The following OTUD7A variants were observed in gnomAD, a reference collection of about 807,000 sequenced individuals.
OTUD7A encodes OTU domain-containing protein 7A.
Under a neutral mutation model 65.7 loss-of-function variants are expected in OTUD7A, and 12 were observed. That is an observed-to-expected ratio of 0.18 (90% CI 0.12 to 0.30). The LOEUF (loss-of-function observed/expected upper bound fraction) is 0.30, where lower values mean the gene tolerates loss of function less well. Ranked by LOEUF, OTUD7A falls within the 10% of genes least tolerant of loss-of-function variation. The pLI is 1.00. For missense variants in OTUD7A, 1,148 were observed against 1,304.8 expected (o/e 0.88, Z 1.85); for synonymous variants, 641 against 586.3 (o/e 1.09, Z -1.35).
At chr15:31,778,303 G>A (rs1895442793) in intron 1 of OTUD7A, among the ~76,000 whole-genome samples, 1 of 152,114 alleles carries the variant, frequency 6.6e-6, no homozygotes. Flanking sequence ...GTAAAACCAT[G>A]GAGAGAGACA....
At chr15:31,645,171 G>A (rs541062378) in intron 3 of OTUD7A, among the ~76,000 whole-genome samples, 1 of 152,286 alleles carries the variant, frequency 6.6e-6, no homozygotes, top group African/African-American at 2.4e-5. Flanking sequence ...CCTGTACCAC[G>A]GATTAGAAAC....
intron 1 of OTUD7A, among the ~76,000 whole-genome samples, chr15:31,777,812 G>A (rs924554696): frequency 6.6e-6 from 1 of 152,200 alleles, no homozygotes; most frequent in African/African-American, 2.4e-5. Flanking sequence ...AAAGCTGTGT[G>A]CAAAGAGGCT....
intron 9 of OTUD7A, among the ~76,000 whole-genome samples, chr15:31,503,021 G>C (rs568300038): frequency 9.8e-5 from 15 of 152,370 alleles, no homozygotes; most frequent in African/African-American, 3.6e-4. Flanking sequence ...CTGGAGGGAG[G>C]ACAGGCTTTG....
At chr15:31,709,538 G>T (rs143220259) in intron 1 of OTUD7A, among the ~76,000 whole-genome samples, 1 of 152,284 alleles carries the variant, frequency 6.6e-6, no homozygotes, top group Admixed American at 6.5e-5. Context: ...GATGTGGCCA[G>T]GGAACCAGGA....
At chr15:31,756,730 G>C (rs567402099) in intron 1 of OTUD7A, among the ~76,000 whole-genome samples, 1 of 151,686 alleles carries the variant, frequency 6.6e-6, no homozygotes, top group Non-Finnish European at 1.5e-5. Flanking sequence ...TAAGAATATG[G>C]GGATAGCCTA....
intron 3 of OTUD7A, among the ~76,000 whole-genome samples, chr15:31,574,931 A>C (rs1301190276): frequency 6.6e-6 from 1 of 152,108 alleles, no homozygotes; most frequent in African/African-American, 2.4e-5. Flanking sequence ...GGCCTGCTGG[A>C]ATTACTCAGA....
At chr15:31,505,748 ATTTTTTTT>A (rs58989170) in intron 8 of OTUD7A, among the ~76,000 whole-genome samples, 1 of 145,380 alleles carries the variant, frequency 6.9e-6, no homozygotes. Context: ...ATTGAAGTTA[ATTTTTTTT>A]TTTTTTTTTT....
chr15:31,797,104 T>C (rs1426741847), intron 1 of OTUD7A, among the ~76,000 whole-genome samples: 2 of 152,140 alleles, frequency 1.3e-5, no homozygotes, highest in South Asian at 2.1e-4. Flanking sequence ...GTTAAGATGT[T>C]CCAGGAGCTC....
At chr15:31,670,134 C>CT (rs1429850239) in intron 1 of OTUD7A, among the ~76,000 whole-genome samples, 3 of 149,162 alleles carry the variant, frequency 2.0e-5, no homozygotes, top group Non-Finnish European at 4.4e-5. Flanking sequence ...CTGTGTCCAT[C>CT]TGAGTCAGAG....
chr15:31,817,079 GCACGCCAT>G (rs1011666285), intron 1 of OTUD7A, among the ~76,000 whole-genome samples: 4 of 152,110 alleles, frequency 2.6e-5, no homozygotes, highest in Non-Finnish European at 4.4e-5. Flanking sequence ...CAGCTCTTGG[GCACGCCAT>G]CATGCTGAGG....
In OTUD7A at chr15:31,669,232, A is replaced by G. The variant is rs540316868; in HGVS notation, c.-99-12155T>C. Among the ~76,000 whole-genome samples the G allele has an allele frequency of 2.1e-3, 318 of 152,172 alleles. 6 individuals are homozygous for G. The highest frequency in any genetic ancestry group is 5.0e-3 in the African/African-American group (207 of 41,522). ...GAACTCCCAAGATTACATGCCATTT[A>G]TCTTCAGCTACCAGGGTGGATAGGG... On this transcript the variant is annotated intron_variant, in intron 1 of 12. Transcript: ENST00000307050.
intron 3 of OTUD7A, among the ~76,000 whole-genome samples, chr15:31,645,938 G>T (rs1014139475): frequency 6.6e-6 from 1 of 152,188 alleles, no homozygotes; most frequent in South Asian, 2.1e-4. Flanking sequence ...GGCCCTCAAC[G>T]CCTGCTTGGA....
chr15:31,842,532 T>C (rs1472606061), intron 1 of OTUD7A, among the ~76,000 whole-genome samples: 1 of 152,186 alleles, frequency 6.6e-6, no homozygotes, highest in Admixed American at 6.5e-5. Flanking sequence ...CTGGTTTCAA[T>C]GGAGACTGTA....
chr15:31,623,075 A>T (rs1890845287), intron 3 of OTUD7A, among the ~76,000 whole-genome samples: 1 of 152,244 alleles, frequency 6.6e-6, no homozygotes, highest in African/African-American at 2.4e-5. Flanking sequence ...GCTGCAGAAC[A>T]GCGAATATTG....
chr15:31,577,537 T>C (rs971205044), intron 3 of OTUD7A, among the ~76,000 whole-genome samples: 1 of 152,180 alleles, frequency 6.6e-6, no homozygotes, highest in Non-Finnish European at 1.5e-5. Context: ...CTTACATGTA[T>C]TGATCCATGT....
At chr15:31,761,147 C>CA (rs769916060) in intron 1 of OTUD7A, among the ~76,000 whole-genome samples, 4 of 151,932 alleles carry the variant, frequency 2.6e-5, no homozygotes, top group Non-Finnish European at 5.9e-5. Flanking sequence ...GGTACAATAA[C>CA]AAAAGTACAA....
chr15:31,671,730 C>G (rs1406064867), intron 1 of OTUD7A, among the ~76,000 whole-genome samples: 2 of 151,988 alleles, frequency 1.3e-5, no homozygotes, highest in Non-Finnish European at 2.9e-5. Flanking sequence ...TTATTTAAAA[C>G]TCTTTTTTAA....
At chr15:31,822,972 G>A (rs1316950472) in intron 1 of OTUD7A, among the ~76,000 whole-genome samples, 1 of 152,186 alleles carries the variant, frequency 6.6e-6, no homozygotes, top group Non-Finnish European at 1.5e-5. Context: ...AAAAACTACA[G>A]AGAGTAAAAT....
At chr15:31,654,478 G>A (rs1891929195) in intron 3 of OTUD7A, among the ~76,000 whole-genome samples, 1 of 151,954 alleles carries the variant, frequency 6.6e-6, no homozygotes, top group African/African-American at 2.4e-5. Flanking sequence ...TTATACATTT[G>A]AAGTAAAGAG....
Sources: gnomAD v4.1 joint callset for allele counts (sites outside exome capture counted in the v4.1 genomes callset) on GRCh38, gnomAD v4.1.1 for gene constraint, MANE v1.5 for transcripts, NCBI Gene and HGNC (gene_info 2026-07-23, HGNC 2026-07-21) for gene names.